The following BICRAL variants were observed in gnomAD, a reference collection of about 807,000 sequenced individuals.
BICRAL encodes BRD4-interacting chromatin-remodeling complex-associated protein-like.
Under a neutral mutation model 91.8 loss-of-function variants are expected in BICRAL, and 8 were observed. That is an observed-to-expected ratio of 0.09 (90% CI 0.05 to 0.16). BICRAL has a LOEUF of 0.16. Ranked by LOEUF, BICRAL falls within the 10% of genes least tolerant of loss-of-function variation. The pLI, the probability that BICRAL is intolerant of heterozygous loss-of-function variation, is 1.00. For missense variants in BICRAL, 1,038 were observed against 1,310.9 expected (o/e 0.79, Z 3.21); for synonymous variants, 445 against 491.1 (o/e 0.91, Z 1.24).
Position 42,830,099 on chromosome 6 carries a change from T to C in BICRAL, c.1766T>C (p.Val589Ala). ...VPVSVSHRLP[V>A]SSSKSTSTFS... ...GTCAGTGTGTCTCATCGTCTTCCAG[T>C]TTCTTCTTCCAAGTCTACCAGCACC... The change falls in exon 6 of 13, where the codon GTT becomes GCT. Residue 589 changes from valine (V) to alanine (A), a missense_variant. Around this residue, in one of 5 missense-constraint regions of BICRAL, gnomAD observed 532 missense variants for 724.9 expected, o/e 0.73. Coordinates refer to ENST00000314073, the MANE Select transcript of BICRAL (RefSeq NM_001393499.1). 6.2e-7 allele frequency: 1 copy of C among 1,614,150 alleles called. No individual in the cohort carries two copies. The highest frequency in any genetic ancestry group is 1.3e-5 in the African/African-American group (1 of 75,044).
intron 1 of BICRAL, among the ~76,000 whole-genome samples, chr6:42,761,199 A>G (rs952691703): frequency 6.6e-6 from 1 of 152,256 alleles, no homozygotes; most frequent in Non-Finnish European, 1.5e-5. Context: ...TCACGCCTGT[A>G]ATCCCAGCAG....
At chr6:42,788,941 G>A (rs1309413156) in intron 1 of BICRAL, among the ~76,000 whole-genome samples, 1 of 152,166 alleles carries the variant, frequency 6.6e-6, no homozygotes, top group Admixed American at 6.5e-5. Context: ...GCAGCGAAGA[G>A]CAGGCAGGTG....
Position 42,865,131 on chromosome 6 carries a change from A to G in BICRAL, c.2925A>G (p.Lys975=). The change falls in exon 13 of 13, where the codon AAA becomes AAG. Residue 975 remains lysine (K), a synonymous_variant. Transcript: ENST00000314073. ...CGTGTAACAATTCCTTCCAGGACAA[A>G]AGTCTGAGGAATTCTCCAAAGAATG... is the stretch of plus-strand genomic sequence containing the variant. The part of the protein sequence containing the change: ...EMTCNNSFQD[K]SLRNSPKNEV... 1.2e-6 allele frequency: 2 copies of G among 1,614,150 alleles called. No homozygotes were observed. Among genetic ancestry groups the G allele is most frequent in the Non-Finnish European group, 1.7e-6 (2 of 1,179,980 alleles).
chr6:42,845,868 C>T (rs1439141952), intron 6 of BICRAL, among the ~76,000 whole-genome samples: 2 of 150,376 alleles, frequency 1.3e-5, no homozygotes, highest in Admixed American at 1.3e-4. Context: ...TAGAGACCAT[C>T]CTGGCTAACA....
chr6:42,784,293 T>C (rs192504014), intron 1 of BICRAL, among the ~76,000 whole-genome samples: 1 of 152,180 alleles, frequency 6.6e-6, no homozygotes, highest in Non-Finnish European at 1.5e-5. Flanking sequence ...TGGTAGTATC[T>C]ATTAGAGATG....
intron 12 of BICRAL, 131 bp from the exon 13 acceptor site, chr6:42,864,528 C>T: frequency 2.8e-6 from 2 of 712,062 alleles, no homozygotes; most frequent in South Asian, 1.8e-5. Flanking sequence ...TCTGCATGTT[C>T]CTGTATGTGA....
chr6:42,798,712 T>A (rs1049495992), intron 1 of BICRAL, among the ~76,000 whole-genome samples: 1 of 152,084 alleles, frequency 6.6e-6, no homozygotes, highest in Non-Finnish European at 1.5e-5. Flanking sequence ...AGAAAAAAAA[T>A]TGTGTAGTGT....
chr6:42,821,533 A>T (rs1764136654), intron 2 of BICRAL, among the ~76,000 whole-genome samples: 1 of 152,210 alleles, frequency 6.6e-6, no homozygotes, highest in Admixed American at 6.5e-5. Flanking sequence ...ATGCAGGAAG[A>T]ACCATTTTCC....
intron 1 of BICRAL, among the ~76,000 whole-genome samples, chr6:42,751,252 G>A (rs868805773): frequency 5.9e-5 from 9 of 151,860 alleles, no homozygotes; most frequent in South Asian, 4.2e-4. Context: ...GGCCTCAGGC[G>A]TGGGAGGACC....
intron 1 of BICRAL, among the ~76,000 whole-genome samples, chr6:42,760,170 G>A (rs1399882702): frequency 1.3e-5 from 2 of 152,002 alleles, no homozygotes; most frequent in African/African-American, 4.8e-5. Flanking sequence ...ACTGAACCTG[G>A]GAGGCGGAGG....
chr6:42,837,475 G>A (rs1032584845), intron 6 of BICRAL, among the ~76,000 whole-genome samples: 14 of 151,518 alleles, frequency 9.2e-5, no homozygotes, highest in African/African-American at 3.4e-4. Flanking sequence ...AATGGGGCCG[G>A]GCATGTTGAC....
intron 2 of BICRAL, among the ~76,000 whole-genome samples, chr6:42,814,079 T>G (rs1763910452): frequency 6.6e-6 from 1 of 152,066 alleles, no homozygotes; most frequent in Non-Finnish European, 1.5e-5. Context: ...TCATGTCTGC[T>G]TAAAGTCTCT....
chr6:42,760,941 G>A (rs1250902592), intron 1 of BICRAL, among the ~76,000 whole-genome samples: 2 of 152,082 alleles, frequency 1.3e-5, no homozygotes, highest in Non-Finnish European at 2.9e-5. Flanking sequence ...AGAATTGCTT[G>A]AACCTGGGAG....
At chr6:42,845,481 G>A (rs540254285) in intron 6 of BICRAL, among the ~76,000 whole-genome samples, 2 of 151,806 alleles carry the variant, frequency 1.3e-5, no homozygotes, top group South Asian at 2.1e-4. Flanking sequence ...GAAACTCCCC[G>A]TAACATGTTT....
At chr6:42,752,580 G>T (rs988688143) in intron 1 of BICRAL, among the ~76,000 whole-genome samples, 3 of 151,662 alleles carry the variant, frequency 2.0e-5, no homozygotes, top group Non-Finnish European at 4.4e-5. Flanking sequence ...CTGAGTAGCT[G>T]GGACTACAGA....
At chr6:42,806,603 C>G (rs1763716081) in intron 1 of BICRAL, among the ~76,000 whole-genome samples, 1 of 151,318 alleles carries the variant, frequency 6.6e-6, no homozygotes, top group Admixed American at 6.6e-5. Flanking sequence ...ACCTCCACCT[C>G]CCAGGCTCCA....
intron 2 of BICRAL, among the ~76,000 whole-genome samples, chr6:42,812,633 G>A (rs1445543487): frequency 3.9e-5 from 6 of 152,066 alleles, no homozygotes; most frequent in African/African-American, 7.2e-5. Context: ...AAATAAAAGC[G>A]CACTGGATGG....
At chr6:42,790,330 ATTTTT>A (rs70990136) in intron 1 of BICRAL, among the ~76,000 whole-genome samples, 2 of 87,822 alleles carry the variant, frequency 2.3e-5, no homozygotes, top group Non-Finnish European at 4.1e-5. Context: ...AGATAATTTA[ATTTTT>A]TTTTTTTTTT....
intron 8 of BICRAL, 70 bp from the exon 9 acceptor site, chr6:42,855,786 G>GTGAC: frequency 8.3e-7 from 1 of 1,200,478 alleles, no homozygotes; most frequent in Non-Finnish European, 1.2e-6. Context: ...GTGAACTATA[G>GTGAC]TGACCTTTAT....
Sources: gnomAD v4.1 joint callset for allele counts (sites outside exome capture counted in the v4.1 genomes callset) on GRCh38, gnomAD v4.1.1 for gene constraint, gnomAD v4.1.1 regional missense constraint, MANE v1.5 for transcripts, NCBI Gene and HGNC (gene_info 2026-07-23, HGNC 2026-07-21) for gene names.